ITGA6: variants seen among roughly 807,000 people sequenced by gnomAD.
ITGA6 encodes integrin subunit alpha 6.
In ITGA6, 63 loss-of-function variants were observed where a neutral mutation model predicts 133.6. That is an observed-to-expected ratio of 0.47 (90% CI 0.38 to 0.58). ITGA6 has a LOEUF of 0.58. Among genes scored for constraint, ITGA6 ranks in the 20% least tolerant of loss-of-function variants. ITGA6 has a pLI of 0.00. For missense variants in ITGA6, 1,068 were observed against 1,309.4 expected (o/e 0.82, Z 2.85); for synonymous variants, 434 against 482.0 (o/e 0.90, Z 1.30).
At chr2:172,497,502 C>CAAAAA (rs34616494) in intron 23 of ITGA6, among the ~76,000 whole-genome samples, 70 of 89,506 alleles carry the variant, frequency 7.8e-4, no homozygotes, top group African/African-American at 2.4e-3. Flanking sequence ...ACCCTGTCTC[C>CAAAAA]AAAAAAAAAA....
At chr2:172,439,294 A>G (rs1281049901) in intron 1 of ITGA6, among the ~76,000 whole-genome samples, 1 of 151,942 alleles carries the variant, frequency 6.6e-6, no homozygotes, top group Admixed American at 6.6e-5. Flanking sequence ...TGAATAAAAA[A>G]TGACGAATGG....
intron 23 of ITGA6, among the ~76,000 whole-genome samples, chr2:172,496,576 A>G (rs1443279719): frequency 6.6e-6 from 1 of 152,230 alleles, no homozygotes; most frequent in Non-Finnish European, 1.5e-5. Flanking sequence ...AGCAGCATCC[A>G]GGGTTCAATA....
At position 172,473,456 on chromosome 2, in the gene ITGA6, A is replaced by G. The variant is rs555065468; in HGVS notation, c.776-599A>G. Among the ~76,000 whole-genome samples, 3 of 152,326 alleles carry G rather than the reference A, an allele frequency of 2.0e-5. No individual in the cohort carries two copies. The East Asian group carries it at 5.8e-4, about 29-fold the overall frequency. Reference sequence around the variant, plus strand: ...TTTGTCTGCATGTTTGTGTCTGAGAACTAAGTTGGTCCAAAACAATGAAAT... The same window carrying G: ...TTTGTCTGCATGTTTGTGTCTGAGAGCTAAGTTGGTCCAAAACAATGAAAT... On this transcript the variant is annotated intron_variant, in intron 5 of 25. Transcript: ENST00000684293.
chr2:172,493,456 A>G (rs1175945206), intron 23 of ITGA6, among the ~76,000 whole-genome samples: 1 of 152,202 alleles, frequency 6.6e-6, no homozygotes, highest in African/African-American at 2.4e-5. Context: ...AACACTTTAG[A>G]GGGAAGGGAC....
chr2:172,488,107 G>A lies in ITGA6; in HGVS notation c.2403-19G>A. ...CCATTTACAATCCTCATTAAAACTG[G>A]TGTTTTTTAATTTGACAGAGTTGCT... On this transcript the variant is annotated intron_variant, in intron 18 of 25. Coordinates refer to ENST00000684293, the MANE Select transcript of ITGA6 (RefSeq NM_000210.4). 1 of 1,609,922 alleles carries A rather than the reference G, an allele frequency of 6.2e-7. No homozygotes were observed. The highest frequency in any genetic ancestry group is 8.5e-7 in the Non-Finnish European group (1 of 1,176,198).
chr2:172,466,843 G>C (rs1257180329), intron 2 of ITGA6, among the ~76,000 whole-genome samples: 2 of 152,120 alleles, frequency 1.3e-5, no homozygotes, highest in Non-Finnish European at 2.9e-5. Context: ...ACTTATGGAG[G>C]AGTGCAAAAT....
At chr2:172,457,791 C>T (rs542211575) in intron 1 of ITGA6, among the ~76,000 whole-genome samples, 3 of 152,238 alleles carry the variant, frequency 2.0e-5, no homozygotes, top group East Asian at 1.9e-4. Flanking sequence ...AAATCTGATG[C>T]AAGAAATGAT....
chr2:172,494,190 CTTT>C (rs1273269204), intron 23 of ITGA6, among the ~76,000 whole-genome samples: 1 of 152,090 alleles, frequency 6.6e-6, no homozygotes, highest in African/African-American at 2.4e-5. Flanking sequence ...AGCAAAAAAA[CTTT>C]TTTGTTTCTT....
At position 172,491,600 on chromosome 2, in the gene ITGA6, A is replaced by G; in HGVS notation, c.2988+77A>G. The G allele has an allele frequency of 2.0e-6, 2 of 981,626 alleles. No homozygotes were observed. Among genetic ancestry groups the G allele is most frequent in the South Asian group, 2.7e-5 (2 of 74,872 alleles). The allele number at this position is 981,626 out of a possible 1,614,324, so 60.8% of individuals were successfully genotyped here. ...TACCCCACACTCATGTCCTGAAGTCATGTGCTTTGGTGCTCATTTCCCTCA... is the reference window on the plus strand; with the variant it reads ...TACCCCACACTCATGTCCTGAAGTCGTGTGCTTTGGTGCTCATTTCCCTCA... On this transcript the variant is annotated intron_variant, in intron 23 of 25. Coordinates refer to ENST00000684293, the MANE Select transcript of ITGA6 (RefSeq NM_000210.4). This position sits in a 1 kb window ranked among gnomAD's most constrained non-coding sequence, Gnocchi z 4.4.
chr2:172,444,260 G>A (rs769974488), intron 1 of ITGA6, among the ~76,000 whole-genome samples: 50 of 152,202 alleles, frequency 3.3e-4, no homozygotes, highest in Admixed American at 1.8e-3. Flanking sequence ...CAGAAAAGAA[G>A]ATGTAAGCTT....
intron 1 of ITGA6, 77 bp downstream of exon 1, chr2:172,428,047 C>A: frequency 6.8e-7 from 1 of 1,477,206 alleles, no homozygotes; most frequent in Middle Eastern, 2.1e-4. Flanking sequence ...CGCCCTGTTC[C>A]CGCCGGCCCC....
rs1220198962 is a variant in ITGA6, at chr2:172,489,587, A to G, written c.2608A>G (p.Lys870Glu). The change falls in exon 20 of 26, where the codon AAA becomes GAA. Residue 870 changes from lysine to glutamate, a missense_variant. Around this residue, in one of 3 missense-constraint regions of ITGA6, gnomAD observed 609 missense variants for 707.2 expected, o/e 0.86. Transcript: ENST00000684293. ...SNGKWLLYLV[K>E]VESKGLEKVT... is the part of the protein sequence containing the mutation. Reference sequence around the variant, plus strand: ...TGGGAAATGGTTGCTTTATTTGGTGAAAGTAGAATCCAAAGGATTGGAAAA... The same window carrying G: ...TGGGAAATGGTTGCTTTATTTGGTGGAAGTAGAATCCAAAGGATTGGAAAA... 12 of 1,614,128 alleles carry G rather than the reference A, an allele frequency of 7.4e-6. No homozygotes were observed. Among genetic ancestry groups the G allele is most frequent in the Non-Finnish European group, 1.0e-5 (12 of 1,179,946 alleles).
At chr2:172,472,142 C>G (rs780803800) in intron 5 of ITGA6, among the ~76,000 whole-genome samples, 5 of 152,290 alleles carry the variant, frequency 3.3e-5, no homozygotes, top group South Asian at 2.1e-4. Context: ...GCCAATGCAG[C>G]AAAACCCCTT....
intron 1 of ITGA6, among the ~76,000 whole-genome samples, chr2:172,453,452 G>A (rs1445118997): frequency 6.6e-6 from 1 of 152,192 alleles, no homozygotes; most frequent in African/African-American, 2.4e-5. Flanking sequence ...TTGAGCCCAG[G>A]AGGTGGTTGC....
intron 9 of ITGA6, 60 bp from the exon 10 acceptor site, chr2:172,479,581 A>G: frequency 7.4e-7 from 1 of 1,347,498 alleles, no homozygotes; most frequent in Non-Finnish European, 1.1e-6. Context: ...TAGTATGTGA[A>G]TTAGACTCAC....
chr2:172,479,613 G>C (rs772595823), intron 9 of ITGA6, 28 bp from the exon 10 acceptor site: 1 of 1,575,414 alleles, frequency 6.3e-7, no homozygotes, highest in African/African-American at 1.4e-5. Context: ...CAGAGGCTGA[G>C]CTTGTTTTTC....
At chr2:172,443,221 A>G (rs1684614763) in intron 1 of ITGA6, among the ~76,000 whole-genome samples, 1 of 152,128 alleles carries the variant, frequency 6.6e-6, no homozygotes, top group African/African-American at 2.4e-5. Context: ...TTCTCTTGGT[A>G]TGTTTTAATG....
Position 172,491,601 on chromosome 2 carries a change from T to C in ITGA6, c.2988+78T>C, listed in dbSNP as rs1031115443. 8 of 935,266 alleles carry C rather than the reference T, an allele frequency of 8.6e-6. No homozygotes were observed. Among genetic ancestry groups the C allele is most frequent in the African/African-American group, 8.1e-5 (5 of 61,910 alleles). The allele number at this position is 935,266 out of a possible 1,614,324, so 57.9% of individuals were successfully genotyped here. A position where few individuals can be genotyped will look rare whatever the true frequency, so the allele number is the denominator to read the frequency against. On this transcript the variant is annotated intron_variant, in intron 23 of 25. Transcript: ENST00000684293. The surrounding 1 kb of genome is among the most constrained non-coding windows in gnomAD (Gnocchi z 4.4). ...ACCCCACACTCATGTCCTGAAGTCATGTGCTTTGGTGCTCATTTCCCTCAT... is the reference window on the plus strand; with the variant it reads ...ACCCCACACTCATGTCCTGAAGTCACGTGCTTTGGTGCTCATTTCCCTCAT...
chr2:172,427,493 G>C, upstream of ITGA6: 1 of 1,095,392 alleles, frequency 9.1e-7, no homozygotes, highest in Non-Finnish European at 1.1e-6. Flanking sequence ...CGGTGCGCCG[G>C]GCCGCGGGCG....
Sources: gnomAD v4.1 joint callset for allele counts (sites outside exome capture counted in the v4.1 genomes callset) on GRCh38, gnomAD v4.1.1 for gene constraint, gnomAD v4.1.1 regional missense constraint, Gnocchi (gnomAD v3.1) non-coding constraint, MANE v1.5 for transcripts, NCBI Gene and HGNC (gene_info 2026-07-23, HGNC 2026-07-21) for gene names.